The following SLC2A5 variants were observed in gnomAD, a reference collection of about 807,000 sequenced individuals.
SLC2A5 encodes the protein solute carrier family 2, facilitated glucose transporter member 5.
Under a neutral mutation model 50.3 loss-of-function variants are expected in SLC2A5, and 56 were observed. The observed-to-expected ratio is 1.11, with a 90% confidence interval of 0.90 to 1.39. SLC2A5 has a LOEUF of 1.39. Among genes scored for constraint, SLC2A5 ranks in the 40% most tolerant of loss-of-function variants. The probability of loss-of-function intolerance (pLI) is 0.00; values close to 1 mark genes in which losing one functional copy is unlikely to be tolerated. For missense variants in SLC2A5, 566 were observed against 650.1 expected (o/e 0.87, Z 1.41); for synonymous variants, 269 against 281.9 (o/e 0.95, Z 0.46).
chr1:9,086,746 T>G (rs1451043973), intron 1 of SLC2A5, among the ~76,000 whole-genome samples: 1 of 152,074 alleles, frequency 6.6e-6, no homozygotes, highest in Admixed American at 6.5e-5. Flanking sequence ...GAATGGGTGC[T>G]ATTGATTGGT....
chr1:9,080,368 A>AT (rs1295366205), intron 2 of SLC2A5, among the ~76,000 whole-genome samples: 2 of 152,004 alleles, frequency 1.3e-5, no homozygotes, highest in East Asian at 1.9e-4. Flanking sequence ...TCTATTTTTA[A>AT]TTTTTTTTAG....
At position 9,069,621 on chromosome 1, in the gene SLC2A5, G is replaced by T; in HGVS notation, c.-85C>A. ...TGAATGGAGAGAGAAGACATTCTGGGTGCACTTTGGCCATGCCAAATAACA... is the reference window on the plus strand; with the variant it reads ...TGAATGGAGAGAGAAGACATTCTGGTTGCACTTTGGCCATGCCAAATAACA... On this transcript the variant is annotated 5_prime_UTR_variant, in exon 1 of 12. Transcript: ENST00000377424. The T allele has an allele frequency of 6.6e-7, 1 of 1,514,316 alleles. No homozygotes were observed. The highest frequency in any genetic ancestry group is 9.1e-7 in the Non-Finnish European group (1 of 1,093,556). The allele number at this position is 1,514,316 out of a possible 1,614,324, so 93.8% of individuals were successfully genotyped here. A position where few individuals can be genotyped will look rare whatever the true frequency, so the allele number is the denominator to read the frequency against.
chr1:9,039,867 G>A lies in SLC2A5; in HGVS notation c.818C>T (p.Ser273Leu), dbSNP rs74927644. The A allele has an allele frequency of 1.3e-3, 2,054 of 1,612,138 alleles. 20 individuals carry two copies. In the African/African-American group the frequency reaches 0.024, roughly 19 times the overall value. ...GATGGACAGCAGCTGCCAGCGCAGC[G>A]AGCGCATCCGGAACAGCTTCAGCAC... ...ISVLKLFRMR[S>L]LRWQLLSIIV... The change falls in exon 7 of 12, where the codon TCG becomes TTG. Residue 273 changes from serine (S) to leucine (L), a missense_variant. Coordinates refer to ENST00000377424, the MANE Select transcript of SLC2A5 (RefSeq NM_003039.3).
chr1:9,058,213 GC>G lies in SLC2A5; in HGVS notation c.70del (p.Ala24LeufsTer44), dbSNP rs1258405462. On this transcript the variant is annotated frameshift_variant, in exon 2 of 12. Transcript: ENST00000377424. LOFTEE classifies it high-confidence loss of function. ...TLVLALATLI[A>X]AFGSSFQYGY... ...ATACTGGAAGGATGACCCAAAGGCA[GC>G]TATCAGGGTTGCCAGGGCAAGCACA... 4 of 1,614,000 alleles carry G rather than the reference GC, an allele frequency of 2.5e-6. No homozygotes were observed. The highest frequency in any genetic ancestry group is 1.3e-5 in the African/African-American group (1 of 74,914).
rs141075680 is a variant in SLC2A5 at position 9,066,916 on chromosome 1, C to T, written c.33+2588G>A. Among the ~76,000 whole-genome samples the T allele has an allele frequency of 1.2e-3, 185 of 151,562 alleles. 2 individuals are homozygous for T. Among genetic ancestry groups the T allele is most frequent in the African/African-American group, 4.2e-3 (175 of 41,290 alleles). ...TTGCTGGAGCCCCGGACTTCAAGGC[C>T]GCGGTGAGCTATGATCCCACCATTG... On this transcript the variant is annotated intron_variant, in intron 1 of 11. Coordinates refer to ENST00000377424, the MANE Select transcript of SLC2A5 (RefSeq NM_003039.3).
intron 2 of SLC2A5, among the ~76,000 whole-genome samples, chr1:9,080,688 A>G (rs1266805566): frequency 6.6e-6 from 1 of 152,264 alleles, no homozygotes; most frequent in Non-Finnish European, 1.5e-5. Flanking sequence ...TTGACCACAG[A>G]AAATGAGACC....
chr1:9,039,613 T>G lies in SLC2A5; in HGVS notation c.935A>C (p.Glu312Ala). 6.4e-7 allele frequency: 1 copy of G among 1,573,526 alleles called. No individual in the cohort carries two copies. Among genetic ancestry groups the G allele is most frequent in the African/African-American group, 1.4e-5 (1 of 73,662 alleles). ...QIYLSAGVPEEHVQYVTAGTG... is the reference protein window; with the variant it reads ...QIYLSAGVPEAHVQYVTAGTG... ...GCCGGCCGTCACGTACTGCACGTGC[T>G]CCTCCGGCACGCCGGCGCTCAGGTA... is the stretch of plus-strand genomic sequence containing the variant. The change falls in exon 8 of 12, where the codon GAG (glutamate) becomes GCG (alanine). Residue 312 changes from glutamate to alanine, a missense_variant. Physicochemically the swap from Glu to Ala is moderately radical, Grantham distance 107. Transcript: ENST00000377424.
In SLC2A5 at chr1:9,036,969, T is replaced by C. The variant is rs1366233727; in HGVS notation, c.*617A>G. On this transcript the variant is annotated 3_prime_UTR_variant, in exon 12 of 12. Transcript: ENST00000377424. ...TGTTGAAAAGTGATCAGGTTCATTT[T>C]ATTGACTACACAGAAGCAATTCCAT... 3 of 152,514 alleles carry C rather than the reference T, an allele frequency of 2.0e-5. No individual in the cohort carries two copies. Among genetic ancestry groups the C allele is most frequent in the Non-Finnish European group, 2.9e-5 (2 of 68,304 alleles). 9.4% of individuals were successfully genotyped at this position (152,514 alleles called of 1,614,324 possible).
At chr1:9,068,357 C>A (rs1197659559) in intron 1 of SLC2A5, among the ~76,000 whole-genome samples, 1 of 151,684 alleles carries the variant, frequency 6.6e-6, no homozygotes, top group Non-Finnish European at 1.5e-5. Flanking sequence ...AAAACTGAGG[C>A]ACTGAAGAGT....
At chr1:9,064,305 A>C (rs959015434) in intron 1 of SLC2A5, among the ~76,000 whole-genome samples, 1 of 152,158 alleles carries the variant, frequency 6.6e-6, no homozygotes, top group Admixed American at 6.5e-5. Context: ...GGATTAGGGC[A>C]TAAGGAAAAG....
rs147502213 is a variant in SLC2A5, at chr1:9,041,809, G to A, written c.547C>T (p.Arg183Trp). 1.6e-5 allele frequency: 26 copies of A among 1,613,956 alleles called. No homozygotes were observed. Among genetic ancestry groups the A allele is most frequent in the Non-Finnish European group, 2.1e-5 (25 of 1,180,014 alleles). ...CCATCTACGTTTGCAAGGAGATTCCGAAGACCAAAGATCTGGGCCACAAGG... is the reference window on the plus strand; with the variant it reads ...CCATCTACGTTTGCAAGGAGATTCCAAAGACCAAAGATCTGGGCCACAAGG... ...GILVAQIFGLRNLLANVDGWP... is the reference protein window; with the variant it reads ...GILVAQIFGLWNLLANVDGWP... The change falls in exon 5 of 12, where the codon CGG becomes TGG. Residue 183 changes from arginine (R) to tryptophan (W), a missense_variant. Arg to Trp is a moderately radical substitution (Grantham distance 101). Transcript: ENST00000377424.
chr1:9,058,680 A>T (rs983302111), intron 1 of SLC2A5, among the ~76,000 whole-genome samples: 29 of 152,238 alleles, frequency 1.9e-4, no homozygotes, highest in Non-Finnish European at 7.3e-5. Flanking sequence ...TGCTCCTGTG[A>T]CATTCCTGCC....
chr1:9,037,665 G>A lies in SLC2A5; in HGVS notation c.1427C>T (p.Thr476Ile). ...KTFIEINQIF[T>I]KMNKVSEVYP... ...CACTTCAGACACCTTATTCATCTTGGTGAAAATCTGGTTGATCTCTATGAA... is the reference window on the plus strand; with the variant it reads ...CACTTCAGACACCTTATTCATCTTGATGAAAATCTGGTTGATCTCTATGAA... The change falls in exon 12 of 12, where the codon ACC becomes ATC. Residue 476 changes from threonine (T) to isoleucine (I), a missense_variant. Coordinates refer to ENST00000377424, the MANE Select transcript of SLC2A5 (RefSeq NM_003039.3). 1 of 1,614,160 alleles carries A rather than the reference G, an allele frequency of 6.2e-7. No individual in the cohort carries two copies. Among genetic ancestry groups the A allele is most frequent in the Non-Finnish European group, 8.5e-7 (1 of 1,180,030 alleles).
chr1:9,042,083 ATT>A, intron 4 of SLC2A5, 146 bp from the exon 5 acceptor site: 2 of 1,200,714 alleles, frequency 1.7e-6, no homozygotes, highest in Non-Finnish European at 2.3e-6. Flanking sequence ...ACCTCTTTTA[ATT>A]CTTAGCCCTT....
chr1:9,051,978 A>T (rs999841469), intron 3 of SLC2A5, among the ~76,000 whole-genome samples: 1 of 152,200 alleles, frequency 6.6e-6, no homozygotes, highest in Non-Finnish European at 1.5e-5. Context: ...AGCCTTCAGT[A>T]CATATTAGTA....
At chr1:9,086,265 T>C (rs1642400741) in intron 1 of SLC2A5, among the ~76,000 whole-genome samples, 1 of 152,128 alleles carries the variant, frequency 6.6e-6, no homozygotes, top group Non-Finnish European at 1.5e-5. Flanking sequence ...ACTGAAACCA[T>C]GGCATTGCAG....
chr1:9,079,205 A>G (rs931978887), intron 2 of SLC2A5, among the ~76,000 whole-genome samples: 1 of 152,100 alleles, frequency 6.6e-6, no homozygotes, highest in South Asian at 2.1e-4. Context: ...CTCCCTTCCA[A>G]GCTCCTACTA....
intron 3 of SLC2A5, among the ~76,000 whole-genome samples, 199 bp downstream of exon 3, chr1:9,057,249 G>GCAT (rs1641779203): frequency 7.0e-6 from 1 of 143,048 alleles, no homozygotes; most frequent in African/African-American, 2.6e-5. Flanking sequence ...TCGCGCCACT[G>GCAT]CATTCCAGCC....
intron 3 of SLC2A5, among the ~76,000 whole-genome samples, chr1:9,052,257 C>T (rs1314729115): frequency 2.6e-5 from 4 of 152,114 alleles, no homozygotes; most frequent in Non-Finnish European, 5.9e-5. Flanking sequence ...GCACTCCAGC[C>T]TGGGTGACAG....
Sources: gnomAD v4.1 joint callset for allele counts (sites outside exome capture counted in the v4.1 genomes callset) on GRCh38, gnomAD v4.1.1 for gene constraint, MANE v1.5 for transcripts, NCBI Gene and HGNC (gene_info 2026-07-23, HGNC 2026-07-21) for gene names.